MRC1: variants seen among roughly 807,000 people sequenced by gnomAD.
The protein encoded by MRC1 is mannose receptor C-type 1, also known as macrophage mannose receptor 1.
Under a neutral mutation model 102.9 loss-of-function variants are expected in MRC1, and 62 were observed. The observed-to-expected ratio is 0.60, with a 90% CI of 0.49 to 0.74. MRC1 has a LOEUF of 0.74. MRC1 is among the 30% of genes least tolerant of loss of function. MRC1 has a pLI of 0.00. For synonymous variants in MRC1, 457 were observed against 298.4 expected (o/e 1.53, Z -5.48); for missense variants, 1,237 against 862.8 (o/e 1.43, Z -5.43).
At chr10:17,859,530 G>A (rs1245895833) in intron 9 of MRC1, among the ~76,000 whole-genome samples, 2 of 152,050 alleles carry the variant, frequency 1.3e-5, no homozygotes, top group African/African-American at 2.4e-5. Flanking sequence ...GTTGGTCAAG[G>A]TGGTCTTGAA....
At chr10:17,858,500 T>C (rs1182362373) in intron 9 of MRC1, among the ~76,000 whole-genome samples, 2 of 152,226 alleles carry the variant, frequency 1.3e-5, no homozygotes, top group Admixed American at 1.3e-4. Context: ...GTGATTCTTT[T>C]TTTTTGAAAT....
chr10:17,858,644 T>C (rs1833134212), intron 9 of MRC1, among the ~76,000 whole-genome samples: 1 of 152,204 alleles, frequency 6.6e-6, no homozygotes, highest in Non-Finnish European at 1.5e-5. Flanking sequence ...CAAGCTACCA[T>C]GCCTGGCTAA....
At chr10:17,826,445 G>A (rs1053768185) in intron 2 of MRC1, among the ~76,000 whole-genome samples, 76 of 152,234 alleles carry the variant, frequency 5.0e-4, no homozygotes, top group South Asian at 6.2e-4. Flanking sequence ...CTAGTGATCC[G>A]CCTGCCTTGG....
chr10:17,828,414 A>G (rs1281215281), intron 3 of MRC1, among the ~76,000 whole-genome samples: 1 of 151,428 alleles, frequency 6.6e-6, no homozygotes, highest in African/African-American at 2.5e-5. Context: ...TTACTCAGCG[A>G]AAATTATCCT....
chr10:17,858,197 T>G (rs1164792396), intron 9 of MRC1, among the ~76,000 whole-genome samples: 1 of 152,236 alleles, frequency 6.6e-6, no homozygotes, highest in African/African-American at 2.4e-5. Flanking sequence ...TAGGTCAGTT[T>G]AGAATTCTGG....
At chr10:17,906,121 A>C (rs1833891454) in intron 26 of MRC1, among the ~76,000 whole-genome samples, 2 of 152,074 alleles carry the variant, frequency 1.3e-5, no homozygotes, top group African/African-American at 4.8e-5. Context: ...TTCTAATAAT[A>C]ACTAATATAG....
chr10:17,865,379 A>G (rs1052958784), intron 11 of MRC1: 15 of 152,374 alleles, frequency 9.8e-5, no homozygotes, highest in African/African-American at 3.6e-4. Flanking sequence ...TGCATACTTT[A>G]AAAACACATC....
intron 2 of MRC1, among the ~76,000 whole-genome samples, 183 bp downstream of exon 2, chr10:17,823,658 T>C (rs1554838476): frequency 1.3e-5 from 2 of 152,250 alleles, no homozygotes; most frequent in Non-Finnish European, 2.9e-5. Flanking sequence ...ATAAATGTGA[T>C]TAAAAAGTCC....
intron 14 of MRC1, 55 bp downstream of exon 14, chr10:17,870,990 ATGT>A (rs1833347569): frequency 3.6e-6 from 3 of 844,514 alleles, no homozygotes; most frequent in East Asian, 2.4e-5. Flanking sequence ...ATTTATTTTG[ATGT>A]TGTCTTTTTT....
At chr10:17,845,162 T>A (rs548691953) in intron 5 of MRC1, 127 bp from the exon 6 acceptor site, 6 of 779,716 alleles carry the variant, frequency 7.7e-6, no homozygotes, top group African/African-American at 6.8e-5. Flanking sequence ...TTTTTGTGAA[T>A]GTGTAGCAAA....
At chr10:17,887,108 A>G (rs1019887763) in intron 22 of MRC1, among the ~76,000 whole-genome samples, 15 of 152,208 alleles carry the variant, frequency 9.9e-5, no homozygotes, top group East Asian at 7.7e-4. Flanking sequence ...TCTGTGAAGT[A>G]GCCATTCTTT....
chr10:17,875,329 C>T, intron 17 of MRC1, 76 bp downstream of exon 17: 2 of 763,368 alleles, frequency 2.6e-6, no homozygotes, highest in Non-Finnish European at 4.9e-6. Context: ...TGGAAAAGTT[C>T]TTTAGTGGTG....
Position 17,897,994 on chromosome 10 carries a change from G to A in MRC1, c.3251-40G>A, listed in dbSNP as rs1833778642. The A allele has an allele frequency of 9.0e-6, 7 of 780,606 alleles. No individual in the cohort carries two copies. The Admixed American group carries it at 1.0e-4, about 11-fold the overall frequency. 48.4% of individuals were successfully genotyped at this position (780,606 alleles called of 1,614,324 possible). A position where few individuals can be genotyped will look rare whatever the true frequency, so the allele number is the denominator to read the frequency against. On this transcript the variant is annotated intron_variant, in intron 23 of 29. Coordinates refer to ENST00000569591, the MANE Select transcript of MRC1 (RefSeq NM_002438.4). ...TCATTACTGATAAGGCTCAATTACT[G>A]TTTATTGATAATGCTAATGAAAATA...
intron 23 of MRC1, among the ~76,000 whole-genome samples, chr10:17,896,691 G>C (rs1833759592): frequency 6.6e-6 from 1 of 152,152 alleles, no homozygotes; most frequent in Non-Finnish European, 1.5e-5. Context: ...AGCACTTTGA[G>C]AGGCTGAGGC....
chr10:17,893,229 C>T (rs1833706471), intron 22 of MRC1, among the ~76,000 whole-genome samples: 1 of 146,094 alleles, frequency 6.8e-6, no homozygotes, highest in African/African-American at 2.5e-5. Flanking sequence ...GGTCATAGCT[C>T]ACTGCAGCCT....
At chr10:17,817,185 G>T (rs1838325323) in intron 1 of MRC1, among the ~76,000 whole-genome samples, 1 of 149,946 alleles carries the variant, frequency 6.7e-6, no homozygotes, top group East Asian at 2.0e-4. Context: ...GGGAGGCGGA[G>T]GTTGCAACGT....
At chr10:17,878,033 T>A (rs1404479065) in intron 18 of MRC1, 66 bp downstream of exon 18, 1 of 832,654 alleles carries the variant, frequency 1.2e-6, no homozygotes, top group Non-Finnish European at 2.1e-6. Context: ...TATGAGTTAT[T>A]TTGAGATTTT....
chr10:17,830,289 G>A lies in MRC1; in HGVS notation c.637+2574G>A, dbSNP rs1005554554. ...TGGGATTACAGGCACCCACCATCACGCCTGGCTAGTTTTTGTATTTTGAGT... is the reference window on the plus strand; with the variant it reads ...TGGGATTACAGGCACCCACCATCACACCTGGCTAGTTTTTGTATTTTGAGT... On this transcript the variant is annotated intron_variant, in intron 3 of 29. Coordinates refer to ENST00000569591, the MANE Select transcript of MRC1 (RefSeq NM_002438.4). Among the ~76,000 whole-genome samples the A allele has an allele frequency of 2.7e-5, 4 of 150,894 alleles. 1 individual carries two copies. The highest frequency in any genetic ancestry group is 2.0e-4 in the Admixed American group (3 of 15,204).
intron 23 of MRC1, among the ~76,000 whole-genome samples, chr10:17,896,221 A>G (rs1309631157): frequency 1.3e-5 from 2 of 152,212 alleles, no homozygotes; most frequent in Non-Finnish European, 2.9e-5. Context: ...GAATTTTTCT[A>G]TACTATTTTG....
Sources: gnomAD v4.1 joint callset for allele counts (sites outside exome capture counted in the v4.1 genomes callset) on GRCh38, gnomAD v4.1.1 for gene constraint, MANE v1.5 for transcripts, NCBI Gene and HGNC (gene_info 2026-07-23, HGNC 2026-07-21) for gene names.